DOCK11: variants seen among roughly 807,000 people sequenced by gnomAD.
DOCK11 encodes dedicator of cytokinesis protein 11.
A neutral mutation model predicts 169.1 loss-of-function variants in DOCK11; 70 were observed. The observed-to-expected ratio is 0.41, with a 90% CI of 0.34 to 0.51. The LOEUF (loss-of-function observed/expected upper bound fraction) is 0.51. DOCK11 is among the 20% of genes least tolerant of loss of function. The pLI is 0.10. For missense variants in DOCK11, 1,166 were observed against 1,538.8 expected, an observed-to-expected ratio of 0.76 and a Z score of 4.05; for synonymous variants, 529 against 541.3, an observed-to-expected ratio of 0.98 and a Z score of 0.32.
chrX:118,507,133 C>T lies in DOCK11; in HGVS notation c.102+11060C>T, dbSNP rs371716143. Among the ~76,000 whole-genome samples, 3 of 111,683 alleles carry T rather than the reference C, an allele frequency of 2.7e-5. No individual in the cohort carries two copies. The Admixed American group carries it at 2.9e-4, about 11-fold the overall frequency. On this transcript the variant is annotated intron_variant, in intron 1 of 52. Coordinates refer to ENST00000276202, the MANE Select transcript of DOCK11 (RefSeq NM_144658.4). Reference sequence around the variant, plus strand: ...TTCATGGGAAGTTATGTGCTTTTGCCGTTTTTGACTTCTGTTGGATTGTGT... The same window carrying T: ...TTCATGGGAAGTTATGTGCTTTTGCTGTTTTTGACTTCTGTTGGATTGTGT...
chrX:118,676,610 A>T lies in DOCK11; in HGVS notation c.5333A>T (p.Asp1778Val), dbSNP rs1457065013. 1 of 1,164,886 alleles carries T rather than the reference A, an allele frequency of 8.6e-7. No individual in the cohort carries two copies. Among genetic ancestry groups the T allele is most frequent in the Non-Finnish European group, 1.2e-6 (1 of 866,894 alleles). Residue 1778 changes from aspartate to valine, a missense_variant, in exon 48 of 53, where the codon GAT becomes GTT. Transcript: ENST00000276202. ...TAATAGTCTTTTTTTGAAGAAGAAG[A>T]TGGAAAGGAGTACATCTATAAAGAA... ...FYGQSFFEEE[D>V]GKEYIYKEPK...
At chrX:118,615,828 T>G in intron 30 of DOCK11, 117 bp downstream of exon 30, 2 of 552,931 alleles carry the variant, frequency 3.6e-6, no homozygotes. Context: ...TCAGAATTGT[T>G]ACTATCTGAA....
intron 14 of DOCK11, among the ~76,000 whole-genome samples, chrX:118,581,177 CAATT>C (rs902568277): frequency 2.7e-5 from 3 of 111,894 alleles, no homozygotes; most frequent in African/African-American, 9.8e-5. Context: ...ATAATTCAAT[CAATT>C]ATGTTCAGTG....
In DOCK11 at chrX:118,680,691, A is replaced by C. The variant is rs2016722636; in HGVS notation, c.5670A>C (p.Thr1890=). 8.6e-7 allele frequency: 1 copy of C among 1,160,585 alleles called. No individual in the cohort carries two copies. The highest frequency in any genetic ancestry group is 2.1e-5 in the South Asian group (1 of 47,874). ...AGTGCAAACGCCGTACAATCTTGAC[A>C]AGTAAGTACAATTTTACATATTAAC... ...EEQCKRRTIL[T]TSNSFPYVKK... is the part of the protein sequence containing the mutation. Residue 1890 remains threonine (T), a splice_region_variant and synonymous_variant, in exon 49 of 53, where the codon ACA becomes ACC. Transcript: ENST00000276202.
At chrX:118,524,154 T>G (rs924126013) in intron 1 of DOCK11, among the ~76,000 whole-genome samples, 2 of 111,608 alleles carry the variant, frequency 1.8e-5, no homozygotes, top group African/African-American at 6.5e-5. Flanking sequence ...TGACTGTCAT[T>G]AGTACACAAG....
intron 12 of DOCK11, among the ~76,000 whole-genome samples, chrX:118,576,159 C>A (rs972999490): frequency 9.0e-6 from 1 of 111,662 alleles, no homozygotes; most frequent in East Asian, 2.8e-4. Flanking sequence ...AATTAAGTGC[C>A]GAAATATATA....
intron 23 of DOCK11, among the ~76,000 whole-genome samples, chrX:118,600,227 C>T (rs1344317230): frequency 9.1e-6 from 1 of 109,861 alleles, no homozygotes; most frequent in African/African-American, 3.3e-5. Flanking sequence ...ACCATCATGG[C>T]GAAACCCCGT....
At chrX:118,672,720 C>T (rs767498499) in intron 46 of DOCK11, among the ~76,000 whole-genome samples, 2 of 113,298 alleles carry the variant, frequency 1.8e-5, no homozygotes, top group East Asian at 2.8e-4. Flanking sequence ...CAGGCGTGAG[C>T]CACCGTGCCC....
intron 1 of DOCK11, among the ~76,000 whole-genome samples, chrX:118,542,524 G>C (rs763296610): frequency 9.2e-6 from 1 of 108,186 alleles, no homozygotes; most frequent in East Asian, 2.9e-4. Flanking sequence ...GTGTGTTTGT[G>C]TGTGTGTGTG....
chrX:118,603,331 GTTTGT>G (rs552816698), intron 23 of DOCK11, among the ~76,000 whole-genome samples: 1 of 112,436 alleles, frequency 8.9e-6, no homozygotes, highest in Non-Finnish European at 1.9e-5. Context: ...GTTCGTGGTA[GTTTGT>G]TTTGTTTTGT....
chrX:118,554,737 G>A (rs950978603), intron 6 of DOCK11, among the ~76,000 whole-genome samples: 4 of 111,422 alleles, frequency 3.6e-5, no homozygotes, highest in Non-Finnish European at 7.5e-5. Context: ...GAAAGTGAGT[G>A]TGCCAGGCAA....
intron 1 of DOCK11, among the ~76,000 whole-genome samples, chrX:118,535,792 T>A (rs781376351): frequency 8.9e-6 from 1 of 111,829 alleles, no homozygotes; most frequent in Non-Finnish European, 1.9e-5. Context: ...TATGAAAAGA[T>A]GTTCATGTCT....
chrX:118,596,194 C>T (rs763586901), intron 20 of DOCK11, among the ~76,000 whole-genome samples: 1 of 112,134 alleles, frequency 8.9e-6, no homozygotes, highest in Non-Finnish European at 1.9e-5. Flanking sequence ...AGTTTAACTA[C>T]TTTGACAGAG....
chrX:118,656,755 G>A (rs2147550529), intron 44 of DOCK11, among the ~76,000 whole-genome samples: 1 of 111,611 alleles, frequency 9.0e-6, no homozygotes, highest in African/African-American at 3.3e-5. Context: ...CTGAGGTCAG[G>A]AGTTCAAGAC....
chrX:118,499,283 G>T (rs952178374), intron 1 of DOCK11, among the ~76,000 whole-genome samples: 7 of 111,970 alleles, frequency 6.3e-5, no homozygotes, highest in Non-Finnish European at 1.3e-4. Flanking sequence ...TTATCAGCCT[G>T]GAAGAGTCGC....
At chrX:118,522,609 G>T (rs764570996) in intron 1 of DOCK11, among the ~76,000 whole-genome samples, 1 of 111,661 alleles carries the variant, frequency 9.0e-6, no homozygotes, top group East Asian at 2.8e-4. Context: ...TCAGCTGGGG[G>T]TTGCTGTCAC....
intron 1 of DOCK11, among the ~76,000 whole-genome samples, chrX:118,525,303 G>C (rs1470324163): frequency 8.9e-6 from 1 of 111,774 alleles, no homozygotes; most frequent in Non-Finnish European, 1.9e-5. Flanking sequence ...AAACAGCCCA[G>C]TGTCCCTCAG....
chrX:118,496,401 C>A (rs1354242590), intron 1 of DOCK11, among the ~76,000 whole-genome samples: 2 of 112,302 alleles, frequency 1.8e-5, no homozygotes, highest in Non-Finnish European at 3.8e-5. Flanking sequence ...GCTGACCTCG[C>A]GCTGCTCTGG....
At chrX:118,666,902 G>A (rs1177996171) in intron 45 of DOCK11, among the ~76,000 whole-genome samples, 2 of 111,658 alleles carry the variant, frequency 1.8e-5, no homozygotes, top group African/African-American at 6.5e-5. Flanking sequence ...TTAAATTTTA[G>A]CCATTCTATT....
Sources: allele counts gnomAD v4.1 joint callset (sites outside exome capture counted in the v4.1 genomes callset), GRCh38; gene constraint gnomAD v4.1.1; transcripts MANE v1.5; gene names NCBI Gene and HGNC (gene_info 2026-07-23, HGNC 2026-07-21).